The following TLN2 variants were observed in gnomAD, a reference collection of about 807,000 sequenced individuals.
The protein encoded by TLN2 is talin 2.
A neutral mutation model predicts 294.7 loss-of-function variants in TLN2; 118 were observed. The ratio of observed to expected loss-of-function variants is 0.40; its 90% CI spans 0.34 to 0.47. The LOEUF (loss-of-function observed/expected upper bound fraction) is 0.47, where lower values mean the gene tolerates loss of function less well. TLN2 is among the 20% of genes least tolerant of loss of function. The pLI, the probability that TLN2 is intolerant of heterozygous loss-of-function variation, is 0.84. For synonymous variants in TLN2, 1,431 were observed against 1,304.5 expected (o/e 1.10, Z -2.09); for missense variants, 3,083 against 3,282.2 (o/e 0.94, Z 1.48).
chr15:62,724,632 C>T (rs1186963937), intron 26 of TLN2, among the ~76,000 whole-genome samples: 1 of 152,142 alleles, frequency 6.6e-6, no homozygotes, highest in African/African-American at 2.4e-5. Context: ...ACTCTGTGTA[C>T]ACACATGGCT....
intron 43 of TLN2, among the ~76,000 whole-genome samples, chr15:62,778,908 A>G (rs1567587269): frequency 6.6e-6 from 1 of 152,218 alleles, no homozygotes; most frequent in Non-Finnish European, 1.5e-5. Context: ...CCCTTTGCTC[A>G]GCATGTTGCT....
intron 57 of TLN2, among the ~76,000 whole-genome samples, chr15:62,836,463 C>T (rs2069606136): frequency 6.6e-6 from 1 of 152,234 alleles, no homozygotes; most frequent in Non-Finnish European, 1.5e-5. Flanking sequence ...GTAGGTCTGT[C>T]TGTGAGCAGG....
intron 1 of TLN2, among the ~76,000 whole-genome samples, chr15:62,481,026 C>T (rs983650444): frequency 6.6e-6 from 1 of 152,204 alleles, no homozygotes; most frequent in African/African-American, 2.4e-5. Context: ...AGTACCCATG[C>T]TTAACCCCAT....
At chr15:62,529,493 T>C (rs2164238) in intron 1 of TLN2, among the ~76,000 whole-genome samples, 70,564 of 150,604 alleles carry the variant, frequency 0.47, 17,979 homozygotes, top group African/African-American at 0.68. Context: ...TGCCCCATCC[T>C]GTCTCCAATC....
At chr15:62,465,074 G>T (rs2037038582) in intron 1 of TLN2, among the ~76,000 whole-genome samples, 1 of 138,790 alleles carries the variant, frequency 7.2e-6, no homozygotes, top group African/African-American at 2.7e-5. Context: ...AATGGATAAT[G>T]CATGTACTTG....
At chr15:62,478,038 C>T (rs1340371411) in intron 1 of TLN2, among the ~76,000 whole-genome samples, 1 of 152,208 alleles carries the variant, frequency 6.6e-6, no homozygotes, top group Non-Finnish European at 1.5e-5. Flanking sequence ...AAATAGTTAA[C>T]AGCTCTAACA....
chr15:62,629,955 TC>T (rs56962675), intron 3 of TLN2, among the ~76,000 whole-genome samples: 2 of 152,218 alleles, frequency 1.3e-5, no homozygotes, highest in African/African-American at 2.4e-5. Context: ...AACATCCTTT[TC>T]CCATTGTTCT....
intron 32 of TLN2, among the ~76,000 whole-genome samples, chr15:62,745,397 A>G (rs539269769): frequency 1.2e-4 from 18 of 152,298 alleles, no homozygotes; most frequent in African/African-American, 4.3e-4. Context: ...AGACCCTTCT[A>G]ATTTTGGCCA....
At chr15:62,541,013 C>A (rs925847309) in intron 1 of TLN2, among the ~76,000 whole-genome samples, 2 of 152,224 alleles carry the variant, frequency 1.3e-5, no homozygotes, top group East Asian at 3.9e-4. Context: ...AGGTGAGAGT[C>A]ATGTGCTTTA....
Position 62,781,192 on chromosome 15 carries a change from C to T in TLN2, c.5567C>T (p.Thr1856Met), listed in dbSNP as rs749446267. Residue 1856 changes from threonine to methionine, a missense_variant, in exon 44 of 59, where the codon ACG (threonine) becomes ATG (methionine). Transcript: ENST00000636159. ...EPKGTFVDYQ[T>M]TVVKYSKAIA... ...AAGGGAACATTTGTCGACTATCAGA[C>T]GACTGTGGTTAAATACTCCAAAGCC... 1.9e-5 allele frequency: 30 copies of T among 1,614,040 alleles called. No homozygotes were observed. Among genetic ancestry groups the T allele is most frequent in the South Asian group, 4.4e-5 (4 of 91,090 alleles).
intron 45 of TLN2, among the ~76,000 whole-genome samples, chr15:62,787,881 G>A (rs1480773456): frequency 6.7e-6 from 1 of 149,948 alleles, no homozygotes; most frequent in African/African-American, 2.4e-5. Context: ...TAGTAGAGAC[G>A]GGGTTTTGCT....
intron 48 of TLN2, among the ~76,000 whole-genome samples, chr15:62,797,711 T>C (rs993481141): frequency 2.6e-5 from 4 of 152,092 alleles, no homozygotes; most frequent in South Asian, 2.1e-4. Flanking sequence ...AGGCGGCTCC[T>C]TGTGGGCCAG....
chr15:62,718,761 C>T (rs948570551), intron 24 of TLN2, among the ~76,000 whole-genome samples: 3 of 152,168 alleles, frequency 2.0e-5, no homozygotes, highest in Non-Finnish European at 4.4e-5. Flanking sequence ...ACTTTCTTCT[C>T]AGGAAGCATG....
At chr15:62,492,113 A>G (rs1050770188) in intron 1 of TLN2, among the ~76,000 whole-genome samples, 52 of 152,184 alleles carry the variant, frequency 3.4e-4, no homozygotes, top group African/African-American at 1.2e-3. Context: ...TATATAAATA[A>G]TATATGCTAT....
rs932640359 is a variant in TLN2, at chr15:62,841,182, T to A, written c.*572T>A. 1 of 152,778 alleles carries A rather than the reference T, an allele frequency of 6.5e-6. No individual in the cohort carries two copies. The highest frequency in any genetic ancestry group is 2.4e-5 in the African/African-American group (1 of 41,448). The allele number at this position is 152,778 out of a possible 1,614,324, so 9.5% of individuals were successfully genotyped here. A position where few individuals can be genotyped will look rare whatever the true frequency, so the allele number is the denominator to read the frequency against. On this transcript the variant is annotated 3_prime_UTR_variant, in exon 59 of 59. Coordinates refer to ENST00000636159, the MANE Select transcript of TLN2 (RefSeq NM_015059.3). The stretch of plus-strand genomic sequence containing the variant: ...AAATTCCCGCCCCTGTTTGCACGCT[T>A]TCTTGCCTCCGTGTGTAAGCTCCTT...
intron 52 of TLN2, among the ~76,000 whole-genome samples, chr15:62,811,433 G>T (rs1459784016): frequency 6.6e-6 from 1 of 152,232 alleles, no homozygotes; most frequent in African/African-American, 2.4e-5. Context: ...GGAGGTTAAA[G>T]ACAGTAACAC....
At chr15:62,747,920 A>T (rs1465124159) in intron 32 of TLN2, among the ~76,000 whole-genome samples, 4 of 152,204 alleles carry the variant, frequency 2.6e-5, no homozygotes. Context: ...AAAGGTCTTC[A>T]TCCTCATATT....
At chr15:62,512,440 A>G (rs1038542825) in intron 1 of TLN2, among the ~76,000 whole-genome samples, 1 of 152,252 alleles carries the variant, frequency 6.6e-6, no homozygotes, top group Non-Finnish European at 1.5e-5. Flanking sequence ...TAGTAACTCT[A>G]AGAAGTCACC....
intron 28 of TLN2, among the ~76,000 whole-genome samples, chr15:62,732,134 T>C (rs965990065): frequency 1.3e-5 from 2 of 152,158 alleles, no homozygotes; most frequent in Non-Finnish European, 2.9e-5. Context: ...TAGAAAATCA[T>C]AGGGTAATAT....
Sources: gnomAD v4.1 joint callset for allele counts (sites outside exome capture counted in the v4.1 genomes callset) on GRCh38, gnomAD v4.1.1 for gene constraint, MANE v1.5 for transcripts, NCBI Gene and HGNC (gene_info 2026-07-23, HGNC 2026-07-21) for gene names.